KCNK2: variants seen among roughly 807,000 people sequenced by gnomAD.
The protein encoded by KCNK2 is potassium channel subfamily K member 2.
Under a neutral mutation model 40.5 loss-of-function variants are expected in KCNK2, and 21 were observed. The ratio of observed to expected loss-of-function variants is 0.52; its 90% CI spans 0.37 to 0.75. KCNK2 has a LOEUF of 0.75. Among genes scored for constraint, KCNK2 ranks in the 30% least tolerant of loss-of-function variants. The probability of loss-of-function intolerance (pLI) is 0.00; values close to 1 mark genes in which losing one functional copy is unlikely to be tolerated. For missense variants in KCNK2, 399 were observed against 531.6 expected (o/e 0.75, Z 2.45); for synonymous variants, 191 against 202.2 (o/e 0.94, Z 0.47).
intron 3 of KCNK2, among the ~76,000 whole-genome samples, chr1:215,159,524 T>C (rs1053676460): frequency 2.0e-5 from 3 of 152,148 alleles, no homozygotes; most frequent in Non-Finnish European, 4.4e-5. Flanking sequence ...CTACCTAAAA[T>C]AGAAAAGTAC....
In KCNK2 at chr1:215,026,853, C is replaced by T. The variant is rs924941320; in HGVS notation, c.34+20898C>T. ...GTATGTGTAAACAAACATATACATA[C>T]GTCCTTATCTTAGGAAGACTAATTT... On this transcript the variant is annotated intron_variant, in intron 1 of 6. Transcript: ENST00000391895. 2.6e-4 allele frequency among the ~76,000 whole-genome samples: 39 copies of T among 151,930 alleles called. 1 individual carries two copies. The highest frequency in any genetic ancestry group is 2.4e-3 in the Admixed American group (37 of 15,262).
chr1:215,192,668 G>C (rs1664714480), intron 5 of KCNK2, among the ~76,000 whole-genome samples: 1 of 152,112 alleles, frequency 6.6e-6, no homozygotes, highest in Non-Finnish European at 1.5e-5. Flanking sequence ...TCATGTAACA[G>C]GTTTACACAC....
chr1:215,130,318 A>C (rs1357852723), intron 3 of KCNK2, among the ~76,000 whole-genome samples: 2 of 152,182 alleles, frequency 1.3e-5, no homozygotes, highest in South Asian at 2.1e-4. Context: ...GCTGTGGAAC[A>C]TAGAAGCTCC....
At chr1:215,201,788 A>AG (rs2102673669) in intron 6 of KCNK2, among the ~76,000 whole-genome samples, 1 of 152,258 alleles carries the variant, frequency 6.6e-6, no homozygotes, top group South Asian at 2.1e-4. Flanking sequence ...TGCTAGAAAA[A>AG]GAAGCTTTGA....
intron 2 of KCNK2, among the ~76,000 whole-genome samples, chr1:215,101,146 G>A (rs1222878372): frequency 6.6e-6 from 1 of 151,964 alleles, no homozygotes; most frequent in Non-Finnish European, 1.5e-5. Context: ...CTATGCATGG[G>A]ATATAATCAA....
intron 3 of KCNK2, among the ~76,000 whole-genome samples, chr1:215,129,021 C>A (rs1474208323): frequency 6.6e-6 from 1 of 152,068 alleles, no homozygotes. Flanking sequence ...ATTGCAGTGA[C>A]CCAGGGAAGG....
chr1:215,197,505 TAA>T (rs1172635273), intron 6 of KCNK2, among the ~76,000 whole-genome samples: 1 of 152,106 alleles, frequency 6.6e-6, no homozygotes, highest in Non-Finnish European at 1.5e-5. Flanking sequence ...TTTCTCTTCT[TAA>T]AAGGACACCA....
At chr1:215,176,402 G>A (rs1009498724) in intron 5 of KCNK2, among the ~76,000 whole-genome samples, 3 of 151,952 alleles carry the variant, frequency 2.0e-5, no homozygotes, top group African/African-American at 7.2e-5. Flanking sequence ...ATAGGCAAAC[G>A]TGTGCCATGG....
chr1:215,007,037 A>ATATGTGTG (rs1330420661), intron 1 of KCNK2, among the ~76,000 whole-genome samples: 6 of 51,600 alleles, frequency 1.2e-4, no homozygotes, highest in East Asian at 7.0e-4. Context: ...ATATATATAT[A>ATATGTGTG]TGTGTGTGTG....
rs77475551 is a variant in KCNK2 at position 215,072,553 on chromosome 1, A to C, written c.35-13815A>C. 2.0e-5 allele frequency among the ~76,000 whole-genome samples: 3 copies of C among 152,306 alleles called. No homozygotes were observed. In the East Asian group the frequency reaches 5.8e-4, roughly 29 times the overall value. ...CTTCTCTTGAAAAGTTGGAAGGTCT[A>C]ACACACTGGGTCTATGTTCTCTCAC... On this transcript the variant is annotated intron_variant, in intron 1 of 6. Transcript: ENST00000391895.
At chr1:215,201,740 G>C (rs1262715754) in intron 6 of KCNK2, among the ~76,000 whole-genome samples, 1 of 152,118 alleles carries the variant, frequency 6.6e-6, no homozygotes, top group African/African-American at 2.4e-5. Context: ...TTCGCTTACT[G>C]ATCTTTATAA....
chr1:215,093,503 TATATAA>T (rs1659791453), intron 2 of KCNK2, among the ~76,000 whole-genome samples: 1 of 40,802 alleles, frequency 2.5e-5, no homozygotes, highest in Non-Finnish European at 4.9e-5. Context: ...TTATATATTA[TATATAA>T]AATATAGGAT....
intron 6 of KCNK2, among the ~76,000 whole-genome samples, chr1:215,230,089 G>GTGTA (rs376473501): frequency 0.027 from 882 of 32,720 alleles, 9 homozygotes; most frequent in African/African-American, 0.063. Context: ...CTGTGTGTGT[G>GTGTA]TATACACACA....
At chr1:215,055,378 C>G (rs17606074) in intron 1 of KCNK2, among the ~76,000 whole-genome samples, 5,091 of 152,184 alleles carry the variant, frequency 0.033, 107 homozygotes, top group Non-Finnish European at 0.046. Flanking sequence ...TGAAAAAGAA[C>G]TAAAAAAGGA....
At chr1:215,192,630 G>C (rs535975539) in intron 5 of KCNK2, among the ~76,000 whole-genome samples, 1 of 152,120 alleles carries the variant, frequency 6.6e-6, no homozygotes, top group Admixed American at 6.5e-5. Context: ...GGAAACATTT[G>C]AAAAAATGAA....
intron 1 of KCNK2, among the ~76,000 whole-genome samples, chr1:215,010,862 T>TGTGTG (rs1553254941): frequency 5.4e-5 from 7 of 130,762 alleles, no homozygotes; most frequent in Non-Finnish European, 9.9e-5. Context: ...TTTTTTTTTT[T>TGTGTG]TTTTTTTGTG....
Position 215,083,201 on chromosome 1 carries a change from C to CACCCCCCCCCCCCCCCT in KCNK2, c.-185_-184insACCCCCCCCCCCCCCCT. On this transcript the variant is annotated 5_prime_UTR_variant, in exon 1 of 7. Coordinates refer to ENST00000444842, the MANE Select transcript of KCNK2 (RefSeq NM_001017425.3). Reference sequence around the variant, plus strand: ...TTTCGTTTCTTCTCACGCTCCCCCCCCCGCCCCCTCCCGCGTCCAGCCCCG... The same window carrying CACCCCCCCCCCCCCCCT: ...TTTCGTTTCTTCTCACGCTCCCCCCCACCCCCCCCCCCCCCCTCCGCCCCCTCCCGCGTCCAGCCCCG... The CACCCCCCCCCCCCCCCT allele has an allele frequency of 1.3e-6, 1 of 753,660 alleles. No homozygotes were observed. Among genetic ancestry groups the CACCCCCCCCCCCCCCCT allele is most frequent in the Non-Finnish European group, 2.1e-6 (1 of 479,538 alleles). The allele number at this position is 753,660 out of a possible 1,614,324, so 46.7% of individuals were successfully genotyped here. A position where few individuals can be genotyped will look rare whatever the true frequency, so the allele number is the denominator to read the frequency against.
In KCNK2 at chr1:215,235,669, C is replaced by T. The variant is rs1273850367; in HGVS notation, c.*524C>T. On this transcript the variant is annotated 3_prime_UTR_variant, in exon 7 of 7. Coordinates refer to ENST00000444842, the MANE Select transcript of KCNK2 (RefSeq NM_001017425.3). ...CCTCTCTAGCTAATGTGTGGTTTCT[C>T]CTTCCCTGCCCCCACCCCTAGGCTC... The T allele has an allele frequency of 3.3e-5, 5 of 153,022 alleles. No individual in the cohort carries two copies. The highest frequency in any genetic ancestry group is 6.5e-5 in the Admixed American group (1 of 15,316). The allele number at this position is 153,022 out of a possible 1,614,324, so 9.5% of individuals were successfully genotyped here. A position where few individuals can be genotyped will look rare whatever the true frequency, so the allele number is the denominator to read the frequency against.
chr1:215,131,858 G>C (rs1452669549), intron 3 of KCNK2, among the ~76,000 whole-genome samples: 1 of 152,084 alleles, frequency 6.6e-6, no homozygotes, highest in African/African-American at 2.4e-5. Context: ...TTTTCTGTTT[G>C]TATTTTTGTT....
Sources: allele counts gnomAD v4.1 joint callset (sites outside exome capture counted in the v4.1 genomes callset), GRCh38; gene constraint gnomAD v4.1.1; transcripts MANE v1.5; gene names NCBI Gene and HGNC (gene_info 2026-07-23, HGNC 2026-07-21).